CCDC148: variants seen among roughly 807,000 people sequenced by gnomAD.
The protein encoded by CCDC148 is coiled-coil domain-containing protein 148.
Under a neutral mutation model 85.7 loss-of-function variants are expected in CCDC148, and 89 were observed. That is an observed-to-expected ratio of 1.04 (90% CI 0.87 to 1.24). The LOEUF (loss-of-function observed/expected upper bound fraction) is 1.24. CCDC148 is among the 50% of genes most tolerant of loss of function. The pLI, the probability that CCDC148 is intolerant of heterozygous loss-of-function variation, is 0.00. For synonymous variants in CCDC148, 230 were observed against 213.9 expected (o/e 1.08, Z -0.66); for missense variants, 692 against 671.7 (o/e 1.03, Z -0.33).
At chr2:158,248,626 C>A (rs776726304) in intron 10 of CCDC148, among the ~76,000 whole-genome samples, 1 of 152,006 alleles carries the variant, frequency 6.6e-6, no homozygotes, top group Non-Finnish European at 1.5e-5. Flanking sequence ...ACATGTAACA[C>A]CCTGCATGAA....
At chr2:158,392,734 T>C (rs1354673507) in intron 1 of CCDC148, among the ~76,000 whole-genome samples, 1 of 152,164 alleles carries the variant, frequency 6.6e-6, no homozygotes, top group Non-Finnish European at 1.5e-5. Flanking sequence ...CTTAAGATAA[T>C]GTTACTAGAC....
At chr2:158,311,288 G>A (rs1321298912) in intron 8 of CCDC148, among the ~76,000 whole-genome samples, 3 of 152,212 alleles carry the variant, frequency 2.0e-5, no homozygotes, top group African/African-American at 4.8e-5. Flanking sequence ...CGGCCAACAC[G>A]GCGAAACCCC....
intron 1 of CCDC148, among the ~76,000 whole-genome samples, chr2:158,367,197 C>G (rs1265700715): frequency 6.6e-6 from 1 of 152,140 alleles, no homozygotes; most frequent in Non-Finnish European, 1.5e-5. Flanking sequence ...ATTCCACACC[C>G]AAAGATAATC....
At chr2:158,231,549 C>T (rs889822662) in intron 10 of CCDC148, among the ~76,000 whole-genome samples, 2 of 152,132 alleles carry the variant, frequency 1.3e-5, no homozygotes, top group Non-Finnish European at 2.9e-5. Context: ...CCTATCCATC[C>T]TTTAAAGACT....
At chr2:158,250,603 A>G (rs1688750255) in intron 10 of CCDC148, among the ~76,000 whole-genome samples, 169 bp downstream of exon 10, 1 of 151,526 alleles carries the variant, frequency 6.6e-6, no homozygotes, top group Non-Finnish European at 1.5e-5. Context: ...CATGTCAACA[A>G]ATCTTTGAAG....
intron 7 of CCDC148, among the ~76,000 whole-genome samples, chr2:158,334,033 T>A (rs186040610): frequency 6.6e-6 from 1 of 152,242 alleles, no homozygotes; most frequent in East Asian, 1.9e-4. Context: ...TTTATTCTCC[T>A]GCTGCCAGAA....
At chr2:158,219,178 G>C (rs2105300313) in intron 11 of CCDC148, among the ~76,000 whole-genome samples, 1 of 152,282 alleles carries the variant, frequency 6.6e-6, no homozygotes, top group East Asian at 1.9e-4. Flanking sequence ...TAGAGTTCCA[G>C]GAAATTTTTT....
At position 158,358,822 on chromosome 2, in the gene CCDC148, T is replaced by C. The variant is rs551686503; in HGVS notation, c.26-252A>G. 5.3e-5 allele frequency among the ~76,000 whole-genome samples: 8 copies of C among 152,136 alleles called. No homozygotes were observed. The South Asian group carries it at 1.7e-3, about 32-fold the overall frequency. ...TACAGAGGGAATGCTTTCATCTAAG[T>C]TAGTACCATATATTGAAGATTTTAG... is the stretch of plus-strand genomic sequence containing the variant. On this transcript the variant is annotated intron_variant, in intron 1 of 13. Transcript: ENST00000283233.
intron 10 of CCDC148, among the ~76,000 whole-genome samples, chr2:158,246,379 A>G (rs1688570473): frequency 6.6e-6 from 1 of 152,214 alleles, no homozygotes; most frequent in African/African-American, 2.4e-5. Context: ...GTATATGTAA[A>G]GACAGCTAGA....
chr2:158,227,341 T>C (rs1574445599), intron 10 of CCDC148, among the ~76,000 whole-genome samples: 1 of 151,504 alleles, frequency 6.6e-6, no homozygotes, highest in Non-Finnish European at 1.5e-5. Context: ...TCCATGCTCA[T>C]GGGTAGGAAG....
intron 1 of CCDC148, among the ~76,000 whole-genome samples, chr2:158,431,427 A>C (rs1363961628): frequency 2.0e-5 from 3 of 152,016 alleles, no homozygotes; most frequent in Non-Finnish European, 4.4e-5. Context: ...CACTGTAAGA[A>C]ACTATACAAG....
At chr2:158,240,339 A>G (rs960214207) in intron 10 of CCDC148, among the ~76,000 whole-genome samples, 2 of 151,776 alleles carry the variant, frequency 1.3e-5, no homozygotes, top group African/African-American at 4.8e-5. Flanking sequence ...TTGTGTTCAC[A>G]TTTCAGGTGG....
At chr2:158,206,962 ATCTGACT>A (rs1686280304) in intron 11 of CCDC148, among the ~76,000 whole-genome samples, 1 of 152,230 alleles carries the variant, frequency 6.6e-6, no homozygotes, top group South Asian at 2.1e-4. Context: ...ATCAAGGCTA[ATCTGACT>A]ACTGTAACTG....
chr2:158,287,959 A>G (rs971590326), intron 9 of CCDC148, among the ~76,000 whole-genome samples: 2 of 152,216 alleles, frequency 1.3e-5, no homozygotes, highest in African/African-American at 4.8e-5. Context: ...ATCTTCTGGA[A>G]CCTAGGAAGA....
intron 10 of CCDC148, among the ~76,000 whole-genome samples, chr2:158,221,166 G>A (rs1024370750): frequency 6.6e-6 from 1 of 152,196 alleles, no homozygotes; most frequent in Non-Finnish European, 1.5e-5. Context: ...ACAGCAGGAT[G>A]TTGAAAGCTT....
At chr2:158,266,875 CAT>C (rs532539228) in intron 9 of CCDC148, among the ~76,000 whole-genome samples, 17 of 148,020 alleles carry the variant, frequency 1.1e-4, no homozygotes, top group East Asian at 3.9e-4. Context: ...TGTGTATTTA[CAT>C]ATATATATAT....
intron 10 of CCDC148, among the ~76,000 whole-genome samples, chr2:158,229,897 GC>G (rs762533908): frequency 6.6e-6 from 1 of 151,958 alleles, no homozygotes; most frequent in Non-Finnish European, 1.5e-5. Context: ...TTCCTCTTTG[GC>G]CAGGCATCTT....
intron 10 of CCDC148, among the ~76,000 whole-genome samples, chr2:158,223,684 T>G (rs1687327732): frequency 6.6e-6 from 1 of 152,174 alleles, no homozygotes. Context: ...TTCTGCAGCC[T>G]CGTCTGCTGA....
chr2:158,345,839 A>T (rs915278077), intron 2 of CCDC148, among the ~76,000 whole-genome samples: 13 of 152,330 alleles, frequency 8.5e-5, no homozygotes, highest in South Asian at 4.1e-4. Flanking sequence ...ATAAGATGGG[A>T]AAGGTTCCTT....
Sources: allele counts gnomAD v4.1 joint callset (sites outside exome capture counted in the v4.1 genomes callset), GRCh38; gene constraint gnomAD v4.1.1; transcripts MANE v1.5; gene names NCBI Gene and HGNC (gene_info 2026-07-23, HGNC 2026-07-21).